The following RAB37 variants were observed in gnomAD, a reference collection of about 807,000 sequenced individuals.
RAB37 encodes the protein RAB37, member RAS oncogene family.
A neutral mutation model predicts 33.1 loss-of-function variants in RAB37; 29 were observed. The ratio of observed to expected loss-of-function variants is 0.88; its 90% confidence interval spans 0.65 to 1.20. The LOEUF is 1.20. Ranked by LOEUF, RAB37 falls within the 50% of genes most tolerant of loss-of-function variation. RAB37 has a pLI of 0.00. For missense variants in RAB37, 299 were observed against 301.1 expected (o/e 0.99, Z 0.05); for synonymous variants, 128 against 119.5 (o/e 1.07, Z -0.47).
In RAB37 at chr17:74,676,463, C is replaced by T. The variant is rs1349221847; in HGVS notation, c.72+4805C>T. ...TCCATTTCCTCCGACTGCTCTAACA[C>T]CTCTTCTGGGTGAAAGGAAAAGGCA... is the stretch of plus-strand genomic sequence containing the variant. On this transcript the variant is annotated intron_variant, in intron 1 of 7. Coordinates refer to the RAB37 transcript ENST00000340415. This position sits in a 1 kb window ranked among gnomAD's most constrained non-coding sequence, Gnocchi z 4.1. Among the ~76,000 whole-genome samples the T allele has an allele frequency of 6.6e-6, 1 of 152,164 alleles. No individual in the cohort carries two copies. The highest frequency in any genetic ancestry group is 1.5e-5 in the Non-Finnish European group (1 of 68,026).
At chr17:74,715,898 T>C (rs756385889) in intron 1 of RAB37, among the ~76,000 whole-genome samples, 12 of 152,062 alleles carry the variant, frequency 7.9e-5, no homozygotes, top group Admixed American at 1.3e-4. Context: ...GGCATGGTGG[T>C]GGATGTCTGT....
At chr17:74,684,899 A>AGATAGATAGATAGATC (rs1469187444) in intron 1 of RAB37, among the ~76,000 whole-genome samples, 1 of 147,982 alleles carries the variant, frequency 6.8e-6, no homozygotes, top group Non-Finnish European at 1.5e-5. Context: ...ATAGATAGAT[A>AGATAGATAGATAGATC]GATCCATCAT....
At chr17:74,732,560 G>A (rs1423127877), upstream of RAB37, among the ~76,000 whole-genome samples, 1 of 126,830 alleles carries the variant, frequency 7.9e-6, no homozygotes, top group African/African-American at 2.8e-5. Context: ...TGATTTGAGG[G>A]GTTAGGTGTG....
At position 74,738,450 on chromosome 17, in the gene RAB37, G is replaced by T. The variant is rs999094328; in HGVS notation, c.93+1085G>T. 2.0e-5 allele frequency among the ~76,000 whole-genome samples: 3 copies of T among 152,194 alleles called. No homozygotes were observed. The highest frequency in any genetic ancestry group is 4.4e-5 in the Non-Finnish European group (3 of 68,024). On this transcript the variant is annotated intron_variant, in intron 1 of 8. Transcript: ENST00000392613. This position sits in a 1 kb window ranked among gnomAD's most constrained non-coding sequence, Gnocchi z 5.0. The stretch of plus-strand genomic sequence containing the variant: ...TGCTGTTGGCCAGGCCCCAGGCTGA[G>T]GGGGACTGCCTGACCTTGTTGCCCT...
rs532942554 is a variant in RAB37 at position 74,697,722 on chromosome 17, C to T, written c.72+26064C>T. ...CATGATCTGTGAGTGTAGACTCCTGCGCCAAGAGGCTCCTCCCTGAAGAGC... is the reference window on the plus strand; with the variant it reads ...CATGATCTGTGAGTGTAGACTCCTGTGCCAAGAGGCTCCTCCCTGAAGAGC... On this transcript the variant is annotated intron_variant, in intron 1 of 7. Transcript: ENST00000340415. 4.6e-5 allele frequency among the ~76,000 whole-genome samples: 7 copies of T among 152,096 alleles called. No individual in the cohort carries two copies. The Middle Eastern group carries it at 0.01, about 222-fold the overall frequency.
chr17:74,738,340 G>T lies in RAB37; in HGVS notation c.93+975G>T. Among the ~76,000 whole-genome samples, 1 of 152,144 alleles carries T rather than the reference G, an allele frequency of 6.6e-6. No individual in the cohort carries two copies. Among genetic ancestry groups the T allele is most frequent in the Non-Finnish European group, 1.5e-5 (1 of 68,032 alleles). ...TGTTTCGGGGGAAGCCACCCTGCAA[G>T]TCATCCGCCCAGAGCCGTTGAGATA... On this transcript the variant is annotated intron_variant, in intron 1 of 8. Transcript: ENST00000392613. This position sits in a 1 kb window ranked among gnomAD's most constrained non-coding sequence, Gnocchi z 5.0.
At chr17:74,716,744 C>T in intron 1 of RAB37, among the ~76,000 whole-genome samples, 1 of 152,038 alleles carries the variant, frequency 6.6e-6, no homozygotes, top group South Asian at 2.1e-4. Flanking sequence ...GAAAACAGCC[C>T]TTAGATCCTG....
At chr17:74,704,881 T>C in intron 1 of RAB37, 1 of 1,277,298 alleles carries the variant, frequency 7.8e-7, no homozygotes, top group Non-Finnish European at 1.1e-6. Context: ...GCTTTCTGTT[T>C]AGGGAATAGC....
chr17:74,744,722 T>A lies in RAB37; in HGVS notation c.433-151T>A. 1 of 881,002 alleles carries A rather than the reference T, an allele frequency of 1.1e-6. No individual in the cohort carries two copies. The allele number at this position is 881,002 out of a possible 1,614,324, so 54.6% of individuals were successfully genotyped here. On this transcript the variant is annotated intron_variant, in intron 6 of 8. Coordinates refer to ENST00000392613, the MANE Select transcript of RAB37 (RefSeq NM_001006638.3). This position sits in a 1 kb window ranked among gnomAD's most constrained non-coding sequence, Gnocchi z 4.2. ...GAGATCCCAGAGCTGGGAGCTACAC[T>A]GGGCAGAAACCCTGGCCCCAGGCCA...
chr17:74,682,417 G>T (rs2031973306), intron 1 of RAB37, among the ~76,000 whole-genome samples: 1 of 152,102 alleles, frequency 6.6e-6, no homozygotes, highest in Admixed American at 6.5e-5. Context: ...AGCAGCCCCA[G>T]GATCACATCC....
chr17:74,671,670 C>G lies in RAB37; in HGVS notation c.72+12C>G. 1 of 1,613,026 alleles carries G rather than the reference C, an allele frequency of 6.2e-7. No individual in the cohort carries two copies. Among genetic ancestry groups the G allele is most frequent in the Non-Finnish European group, 8.5e-7 (1 of 1,178,938 alleles). On this transcript the variant is annotated intron_variant, in intron 1 of 7. Transcript: ENST00000340415. The surrounding 1 kb of genome is among the most constrained non-coding windows in gnomAD (Gnocchi z 5.0). ...ACGTCCTGCATAAGGTAAACATCTCCTGTATTCCTCAACCTAACGTTGGAA... is the reference window on the plus strand; with the variant it reads ...ACGTCCTGCATAAGGTAAACATCTCGTGTATTCCTCAACCTAACGTTGGAA...
intron 1 of RAB37, among the ~76,000 whole-genome samples, chr17:74,693,727 G>C (rs994040204): frequency 6.6e-6 from 1 of 152,008 alleles, no homozygotes; most frequent in Non-Finnish European, 1.5e-5. Flanking sequence ...CCAGGAGTTC[G>C]AGACCAGCCT....
intron 1 of RAB37, chr17:74,695,186 C>G (rs887241336): frequency 6.2e-7 from 1 of 1,614,072 alleles, no homozygotes; most frequent in Non-Finnish European, 8.5e-7. Flanking sequence ...TGCAGTAGGT[C>G]GGTTCCTGAT....
At chr17:74,704,143 G>A (rs566845540) in intron 1 of RAB37, among the ~76,000 whole-genome samples, 2 of 152,194 alleles carry the variant, frequency 1.3e-5, no homozygotes, top group Non-Finnish European at 2.9e-5. Context: ...AAAAAGCAAT[G>A]GCAAGGACTG....
chr17:74,725,201 C>G (rs556235225), intron 1 of RAB37, among the ~76,000 whole-genome samples: 4 of 152,276 alleles, frequency 2.6e-5, no homozygotes, highest in South Asian at 2.1e-4. Flanking sequence ...CCCAGCCCCC[C>G]ACCCACAAGC....
chr17:74,687,033 G>A (rs1331302833), intron 1 of RAB37, among the ~76,000 whole-genome samples: 1 of 152,094 alleles, frequency 6.6e-6, no homozygotes, highest in East Asian at 1.9e-4. Flanking sequence ...GCTCTGCTCT[G>A]CTCATAGCAG....
At position 74,695,286 on chromosome 17, in the gene RAB37, G is replaced by A. The variant is rs114973528; in HGVS notation, c.72+23628G>A. The stretch of plus-strand genomic sequence containing the variant: ...AGGCGGGCTCCAGGTCAGAGAGGAC[G>A]GCAGGAAGTGACGGTCACGGGGCAG... On this transcript the variant is annotated intron_variant, in intron 1 of 7. Coordinates refer to the RAB37 transcript ENST00000340415. 8.0e-4 allele frequency: 1,283 copies of A among 1,610,970 alleles called. 7 individuals are homozygous for A. In the African/African-American group the frequency reaches 0.014, roughly 17 times the overall value.
chr17:74,722,422 G>A (rs1030131793), intron 1 of RAB37, among the ~76,000 whole-genome samples: 1 of 152,142 alleles, frequency 6.6e-6, no homozygotes, highest in Non-Finnish European at 1.5e-5. Context: ...ACAAACACGA[G>A]GCAGAATTTC....
intron 1 of RAB37, among the ~76,000 whole-genome samples, chr17:74,680,246 G>C (rs1430288669): frequency 1.3e-5 from 2 of 152,018 alleles, no homozygotes; most frequent in Admixed American, 6.6e-5. Context: ...CAGAGGGATA[G>C]AGTCAGGAGA....
Sources: allele counts gnomAD v4.1 joint callset (sites outside exome capture counted in the v4.1 genomes callset), GRCh38; gene constraint gnomAD v4.1.1; non-coding constraint Gnocchi (gnomAD v3.1); transcripts MANE v1.5; gene names NCBI Gene and HGNC (gene_info 2026-07-23, HGNC 2026-07-21).